Variants in FOXP2 observed in about 807,000 individuals in gnomAD.
FOXP2 encodes forkhead box protein P2.
FOXP2 carries 12 observed loss-of-function variants against 115.8 expected under a neutral mutation model. The observed-to-expected ratio is 0.10, with a 90% CI of 0.07 to 0.17. FOXP2 has a LOEUF of 0.17. FOXP2 is among the 10% of genes least tolerant of loss of function. FOXP2 has a pLI of 1.00. For missense variants in FOXP2, 629 were observed against 843.5 expected (o/e 0.75, Z 3.15); for synonymous variants, 328 against 297.7 (o/e 1.10, Z -1.05).
At chr7:114,378,701 A>AAAAAAAAAAAAAAAAAAAAAAAAT in intron 2 of FOXP2, among the ~76,000 whole-genome samples, 1 of 106,800 alleles carries the variant, frequency 9.4e-6, no homozygotes, top group Admixed American at 1.1e-4. Flanking sequence ...AAAAAAAAAA[A>AAAAAAAAAAAAAAAAAAAAAAAAT]GGAAAAGAAA....
At chr7:114,366,988 TTAAC>T (rs1554377156) in intron 2 of FOXP2, among the ~76,000 whole-genome samples, 3 of 152,178 alleles carry the variant, frequency 2.0e-5, no homozygotes, top group Non-Finnish European at 4.4e-5. Flanking sequence ...CAAATTCCAC[TTAAC>T]TATTTAGATT....
chr7:114,446,260 A>G (rs188258604), intron 2 of FOXP2, among the ~76,000 whole-genome samples: 20 of 152,188 alleles, frequency 1.3e-4, no homozygotes, highest in Non-Finnish European at 1.2e-4. Context: ...CAAGTTATTT[A>G]GTAACATTCA....
At position 114,172,305 on chromosome 7, in the gene FOXP2, G is replaced by A. The variant is rs189902029; in HGVS notation, c.-102+9217G>A. ...AAGGTATGCCTGTATATGACATTCT[G>A]TAAAAGGCAAAAGTAAAACTTATCA... is the stretch of plus-strand genomic sequence containing the variant. On this transcript the variant is annotated intron_variant, in intron 1 of 17. Transcript: ENST00000634411. Among the ~76,000 whole-genome samples the A allele has an allele frequency of 2.8e-3, 428 of 152,240 alleles. 2 individuals carry two copies. The highest frequency in any genetic ancestry group is 9.8e-3 in the African/African-American group (409 of 41,546).
At chr7:114,475,477 C>T (rs1584781323) in intron 2 of FOXP2, among the ~76,000 whole-genome samples, 1 of 151,884 alleles carries the variant, frequency 6.6e-6, no homozygotes, top group South Asian at 2.1e-4. Context: ...TTATATGGGG[C>T]CCCTTTGCGT....
At chr7:114,382,848 A>G (rs1280096961) in intron 2 of FOXP2, among the ~76,000 whole-genome samples, 1 of 152,160 alleles carries the variant, frequency 6.6e-6, no homozygotes, top group Non-Finnish European at 1.5e-5. Context: ...GAAAGGCAGT[A>G]GAATTTTCTT....
At chr7:114,604,447 A>G (rs187616015) in intron 3 of FOXP2, among the ~76,000 whole-genome samples, 2 of 152,310 alleles carry the variant, frequency 1.3e-5, no homozygotes, top group East Asian at 3.9e-4. Context: ...TGTTATGTCA[A>G]TCTATGGTTG....
At chr7:114,140,068 G>A (rs1470091988) in intron 1 of FOXP2, among the ~76,000 whole-genome samples, 2 of 152,020 alleles carry the variant, frequency 1.3e-5, no homozygotes, top group Admixed American at 6.6e-5. Context: ...AGCTGAGATC[G>A]CGCCACTGCA....
intron 16 of FOXP2, chr7:114,665,687 T>A (rs2129343386): frequency 6.6e-6 from 1 of 152,236 alleles, no homozygotes; most frequent in South Asian, 2.1e-4. Flanking sequence ...AAAATTTGTC[T>A]TTTGGAAGTG....
intron 3 of FOXP2, chr7:114,570,754 A>G: frequency 2.3e-6 from 3 of 1,321,348 alleles, no homozygotes; most frequent in Non-Finnish European, 3.3e-6. Flanking sequence ...TTATTAGCAC[A>G]AGCCTTAAGA....
chr7:114,495,008 T>C (rs953433475), intron 2 of FOXP2, among the ~76,000 whole-genome samples: 21 of 152,228 alleles, frequency 1.4e-4, no homozygotes, highest in Admixed American at 2.6e-4. Context: ...ACCATTCTTA[T>C]GAAGTTCTTT....
chr7:114,463,923 A>G (rs1795695584), intron 2 of FOXP2, among the ~76,000 whole-genome samples: 1 of 152,190 alleles, frequency 6.6e-6, no homozygotes, highest in Non-Finnish European at 1.5e-5. Context: ...ACAAAGAGAG[A>G]GACAGTGTTT....
chr7:114,597,132 A>C (rs1802765586), intron 3 of FOXP2, among the ~76,000 whole-genome samples: 1 of 152,128 alleles, frequency 6.6e-6, no homozygotes, highest in South Asian at 2.1e-4. Context: ...TGCAAACTTA[A>C]GATGACAATC....
intron 2 of FOXP2, among the ~76,000 whole-genome samples, chr7:114,457,634 CA>C (rs1795367085): frequency 6.6e-6 from 1 of 152,160 alleles, no homozygotes; most frequent in Non-Finnish European, 1.5e-5. Flanking sequence ...CGCAGTGGCT[CA>C]CGCCTGTAAT....
chr7:114,197,828 C>T (rs941476863), intron 1 of FOXP2, among the ~76,000 whole-genome samples: 2 of 151,694 alleles, frequency 1.3e-5, no homozygotes, highest in Non-Finnish European at 2.9e-5. Context: ...GGTATAGTTA[C>T]AGCATTTTAT....
intron 1 of FOXP2, among the ~76,000 whole-genome samples, chr7:114,113,483 G>T (rs1791326549): frequency 6.6e-6 from 1 of 152,154 alleles, no homozygotes; most frequent in South Asian, 2.1e-4. Flanking sequence ...CTGTGCTCAG[G>T]CAGTCCTCCA....
chr7:114,603,958 T>TA (rs1803169737), intron 3 of FOXP2, among the ~76,000 whole-genome samples: 1 of 152,236 alleles, frequency 6.6e-6, no homozygotes, highest in African/African-American at 2.4e-5. Flanking sequence ...AAACTTTAGA[T>TA]ATGCCAGAGA....
chr7:114,196,751 C>T (rs191872934), intron 1 of FOXP2, among the ~76,000 whole-genome samples: 4 of 152,316 alleles, frequency 2.6e-5, no homozygotes, highest in Admixed American at 2.6e-4. Context: ...TTAACAAGCT[C>T]TACTTGTGAT....
chr7:114,279,778 G>A (rs537262307), intron 1 of FOXP2, among the ~76,000 whole-genome samples: 3 of 151,144 alleles, frequency 2.0e-5, no homozygotes, highest in East Asian at 3.9e-4. Context: ...AAAAAAAAAA[G>A]CATTGTTGCT....
At chr7:114,118,459 C>CTTT (rs77145524) in intron 1 of FOXP2, among the ~76,000 whole-genome samples, 5 of 142,492 alleles carry the variant, frequency 3.5e-5, no homozygotes, top group African/African-American at 5.1e-5. Context: ...GGATACCCCC[C>CTTT]TTTTTTTTTT....
Sources: allele counts gnomAD v4.1 joint callset (sites outside exome capture counted in the v4.1 genomes callset), GRCh38; gene constraint gnomAD v4.1.1; transcripts MANE v1.5; gene names NCBI Gene and HGNC (gene_info 2026-07-23, HGNC 2026-07-21).